The following PDCL2 variants were observed in gnomAD, a reference collection of about 807,000 sequenced individuals.
PDCL2 encodes the protein phosducin like 2.
PDCL2 carries 23 observed loss-of-function variants against 30.3 expected under a neutral mutation model. The ratio of observed to expected loss-of-function variants is 0.76; its 90% CI spans 0.55 to 1.08. PDCL2 has a LOEUF of 1.08. Ranked by LOEUF, PDCL2 falls within the 50% of genes least tolerant of loss-of-function variation. The pLI, the probability that PDCL2 is intolerant of heterozygous loss-of-function variation, is 0.00. For synonymous variants in PDCL2, 68 were observed against 86.2 expected (o/e 0.79, Z 1.17); for missense variants, 243 against 282.3 (o/e 0.86, Z 1.00).
chr4:55,589,080 C>T (rs1370551707), intron 1 of PDCL2, among the ~76,000 whole-genome samples: 3 of 152,056 alleles, frequency 2.0e-5, no homozygotes, highest in Non-Finnish European at 2.9e-5. Context: ...AGGATGGTCT[C>T]GATCTCCTGA....
chr4:55,562,866 C>T (rs1461432478), intron 4 of PDCL2, among the ~76,000 whole-genome samples: 1 of 147,922 alleles, frequency 6.8e-6, no homozygotes, highest in African/African-American at 2.5e-5. Flanking sequence ...AGGGAAACTA[C>T]ATTCAACTGA....
At chr4:55,583,273 T>C (rs1032472917) in intron 1 of PDCL2, among the ~76,000 whole-genome samples, 1 of 152,196 alleles carries the variant, frequency 6.6e-6, no homozygotes, top group Non-Finnish European at 1.5e-5. Flanking sequence ...TGGGTTGTTT[T>C]CTTACTACTG....
chr4:55,574,495 T>C (rs566216034), intron 3 of PDCL2, among the ~76,000 whole-genome samples: 1 of 152,324 alleles, frequency 6.6e-6, no homozygotes, highest in Admixed American at 6.5e-5. Flanking sequence ...TAAAGGTTTC[T>C]GAGATTATGT....
intron 5 of PDCL2, among the ~76,000 whole-genome samples, chr4:55,558,278 C>A (rs376128133): frequency 6.6e-6 from 1 of 152,094 alleles, no homozygotes; most frequent in East Asian, 1.9e-4. Context: ...ATAATCCCCA[C>A]GTGTTGTGGG....
At chr4:55,561,332 C>A (rs926255076) in intron 5 of PDCL2, among the ~76,000 whole-genome samples, 7 of 152,012 alleles carry the variant, frequency 4.6e-5, no homozygotes, top group Non-Finnish European at 1.0e-4. Flanking sequence ...GAGGCTGAGG[C>A]GGGCGGATCT....
intron 5 of PDCL2, 94 bp from the exon 6 acceptor site, chr4:55,556,805 C>A: frequency 1.0e-6 from 1 of 987,290 alleles, no homozygotes; most frequent in South Asian, 2.4e-5. Flanking sequence ...AGTAATATTA[C>A]CATGGAAATG....
Position 55,580,803 on chromosome 4 carries a change from C to A in PDCL2, c.218+18G>T, listed in dbSNP as rs936741655. On this transcript the variant is annotated intron_variant, in intron 3 of 5. Coordinates refer to ENST00000295645, the MANE Select transcript of PDCL2 (RefSeq NM_152401.3). Reference sequence around the variant, plus strand: ...CTTCATTCAAAAATTTATAATTAACCCAAATGAATCACTGTACCTATATGT... The same window carrying A: ...CTTCATTCAAAAATTTATAATTAACACAAATGAATCACTGTACCTATATGT... 1.3e-6 allele frequency: 2 copies of A among 1,525,578 alleles called. No homozygotes were observed. Among genetic ancestry groups the A allele is most frequent in the South Asian group, 1.3e-5 (1 of 78,978 alleles). The allele number at this position is 1,525,578 out of a possible 1,614,324, so 94.5% of individuals were successfully genotyped here. A position where few individuals can be genotyped will look rare whatever the true frequency, so the allele number is the denominator to read the frequency against.
intron 4 of PDCL2, among the ~76,000 whole-genome samples, chr4:55,567,830 T>A (rs1252980190): frequency 6.6e-6 from 1 of 152,138 alleles, no homozygotes; most frequent in African/African-American, 2.4e-5. Context: ...GGTACTTGGG[T>A]TTAGTCTTCT....
At chr4:55,564,036 G>A (rs2130040) in intron 4 of PDCL2, among the ~76,000 whole-genome samples, 114,634 of 152,154 alleles carry the variant, frequency 0.75, 43,512 homozygotes, top group East Asian at 0.9. Flanking sequence ...ACAGCTTTAC[G>A]GGGTTACTTC....
intron 5 of PDCL2, among the ~76,000 whole-genome samples, chr4:55,560,193 G>GC (rs899431955): frequency 7.5e-5 from 11 of 145,714 alleles, no homozygotes; most frequent in Admixed American, 1.4e-4. Flanking sequence ...AAAAAAAGGG[G>GC]GGGGGGACGA....
At chr4:55,589,114 C>T (rs1425866460) in intron 1 of PDCL2, among the ~76,000 whole-genome samples, 1 of 152,214 alleles carries the variant, frequency 6.6e-6, no homozygotes, top group African/African-American at 2.4e-5. Context: ...CCACCTCGGC[C>T]TCCCAAAGTG....
intron 4 of PDCL2, among the ~76,000 whole-genome samples, chr4:55,564,089 G>A (rs777970223): frequency 6.6e-6 from 1 of 152,190 alleles, no homozygotes; most frequent in Non-Finnish European, 1.5e-5. Flanking sequence ...AATATGTCAA[G>A]AAAGTATATC....
At chr4:55,568,129 G>A (rs574291864) in intron 4 of PDCL2, among the ~76,000 whole-genome samples, 1 of 152,252 alleles carries the variant, frequency 6.6e-6, no homozygotes, top group Non-Finnish European at 1.5e-5. Flanking sequence ...TAATTTCCCT[G>A]AGGACCTAAA....
At chr4:55,588,362 G>A (rs1474563887) in intron 1 of PDCL2, among the ~76,000 whole-genome samples, 5 of 152,154 alleles carry the variant, frequency 3.3e-5, no homozygotes, top group Non-Finnish European at 7.4e-5. Flanking sequence ...GACTCACTGA[G>A]CCAGACTAAA....
chr4:55,562,444 A>C lies in PDCL2; in HGVS notation c.531T>G (p.Ile177Met), dbSNP rs1192202880. The C allele has an allele frequency of 6.7e-7, 1 of 1,501,428 alleles. No individual in the cohort carries two copies. Among genetic ancestry groups the C allele is most frequent in the East Asian group, 2.5e-5 (1 of 39,634 alleles). The allele number at this position is 1,501,428 out of a possible 1,614,324, so 93.0% of individuals were successfully genotyped here. The change falls in exon 5 of 6, where the codon ATT (isoleucine) becomes ATG (methionine). Residue 177 changes from isoleucine to methionine, a missense_variant. By Grantham distance (10) the Ile-to-Met change is conservative. Transcript: ENST00000295645. Reference protein sequence around the residue: ...YKNGQIEAKFIGIIECGGINL... With the variant: ...YKNGQIEAKFMGIIECGGINL... ...TTATCCCTCCACATTCTATAATTCCAATGAATTTGGCTTCTATCTGACCAT... is the reference window on the plus strand; with the variant it reads ...TTATCCCTCCACATTCTATAATTCCCATGAATTTGGCTTCTATCTGACCAT...
At chr4:55,566,808 T>TCACAA (rs58926505) in intron 4 of PDCL2, among the ~76,000 whole-genome samples, 149,672 of 152,222 alleles carry the variant, frequency 0.98, 73,632 homozygotes, top group East Asian at 1. Context: ...TCTGAGAAGG[T>TCACAA]TTACTTAAAG....
At chr4:55,559,588 A>C (rs1732072300) in intron 5 of PDCL2, among the ~76,000 whole-genome samples, 1 of 152,242 alleles carries the variant, frequency 6.6e-6, no homozygotes, top group Non-Finnish European at 1.5e-5. Flanking sequence ...CATAACAAGA[A>C]GACCAGATAG....
intron 2 of PDCL2, among the ~76,000 whole-genome samples, chr4:55,581,434 C>T (rs1732710721): frequency 6.6e-6 from 1 of 152,082 alleles, no homozygotes; most frequent in Admixed American, 6.6e-5. Flanking sequence ...ACATTTAAAA[C>T]TAGGTATGAA....
At chr4:55,558,061 T>C (rs1287172204) in intron 5 of PDCL2, among the ~76,000 whole-genome samples, 2 of 147,468 alleles carry the variant, frequency 1.4e-5, no homozygotes, top group African/African-American at 5.0e-5. Flanking sequence ...GCAGAGGTTG[T>C]AGTGGGCCGA....
Sources: allele counts gnomAD v4.1 joint callset (sites outside exome capture counted in the v4.1 genomes callset), GRCh38; gene constraint gnomAD v4.1.1; transcripts MANE v1.5; gene names NCBI Gene and HGNC (gene_info 2026-07-23, HGNC 2026-07-21).